Variants in DOCK1 observed in about 807,000 individuals in gnomAD.
The protein encoded by DOCK1 is dedicator of cytokinesis 1.
In DOCK1, 138 loss-of-function variants were observed where a neutral mutation model predicts 262.7. The ratio of observed to expected loss-of-function variants is 0.53; its 90% CI spans 0.46 to 0.61. The LOEUF (loss-of-function observed/expected upper bound fraction) is 0.61, where lower values mean the gene tolerates loss of function less well. Among genes scored for constraint, DOCK1 ranks in the 20% least tolerant of loss-of-function variants. DOCK1 has a pLI of 0.00. For missense variants in DOCK1, 1,908 were observed against 2,370.7 expected (o/e 0.80, Z 4.05); for synonymous variants, 866 against 867.4 (o/e 1.00, Z 0.03).
chr10:127,240,621 G>T (rs950771884), intron 27 of DOCK1, among the ~76,000 whole-genome samples: 3 of 152,126 alleles, frequency 2.0e-5, no homozygotes, highest in African/African-American at 7.2e-5. Flanking sequence ...GACATTCAAT[G>T]TATGCGGCAC....
intron 21 of DOCK1, among the ~76,000 whole-genome samples, chr10:127,046,570 A>G (rs529738761): frequency 6.6e-5 from 10 of 152,150 alleles, no homozygotes; most frequent in African/African-American, 2.2e-4. Context: ...CCTGGCCAAC[A>G]TGGTGAAACC....
At chr10:127,155,128 G>A (rs2052911284) in intron 27 of DOCK1, among the ~76,000 whole-genome samples, 3 of 152,226 alleles carry the variant, frequency 2.0e-5, no homozygotes, top group Admixed American at 2.0e-4. Flanking sequence ...ACTCACCAGA[G>A]TAACAGTGTG....
chr10:126,919,760 G>A (rs759581834), intron 1 of DOCK1, among the ~76,000 whole-genome samples: 3 of 152,216 alleles, frequency 2.0e-5, no homozygotes, highest in South Asian at 4.1e-4. Flanking sequence ...GGGGCAGGTG[G>A]TGGCTCCGTG....
At chr10:127,449,069 C>G (rs2070784386) in intron 51 of DOCK1, among the ~76,000 whole-genome samples, 1 of 152,158 alleles carries the variant, frequency 6.6e-6, no homozygotes, top group South Asian at 2.1e-4. Context: ...GGCTCCCTCT[C>G]CCTAGAGACG....
intron 18 of DOCK1, among the ~76,000 whole-genome samples, chr10:127,036,273 G>A (rs1041938019): frequency 2.0e-5 from 3 of 152,172 alleles, no homozygotes; most frequent in African/African-American, 7.2e-5. Flanking sequence ...GCCCACACTT[G>A]GGCGTCTTCC....
At chr10:126,956,137 CTG>C (rs2036721643) in intron 1 of DOCK1, among the ~76,000 whole-genome samples, 1 of 152,222 alleles carries the variant, frequency 6.6e-6, no homozygotes, top group African/African-American at 2.4e-5. Context: ...CAGGCTGCCA[CTG>C]TGCAGTTGCT....
chr10:126,983,473 A>C (rs1303095296), intron 4 of DOCK1, among the ~76,000 whole-genome samples: 1 of 152,088 alleles, frequency 6.6e-6, no homozygotes, highest in Admixed American at 6.6e-5. Context: ...TCTCTCTTGC[A>C]GAGTCTGTCT....
chr10:126,919,834 G>A (rs777591398), intron 1 of DOCK1, among the ~76,000 whole-genome samples: 2 of 152,216 alleles, frequency 1.3e-5, no homozygotes, highest in Non-Finnish European at 2.9e-5. Flanking sequence ...TCTCTTCCCA[G>A]CACCTGCTGT....
chr10:127,418,488 CT>C lies in DOCK1; in HGVS notation c.4640del (p.Leu1547ArgfsTer42). The C allele has an allele frequency of 6.2e-7, 1 of 1,614,152 alleles. No homozygotes were observed. The highest frequency in any genetic ancestry group is 8.5e-7 in the Non-Finnish European group (1 of 1,180,038). ...GCCCATCAACCCGCTCTCCATGCTC[CT>C]GAACGGCATCGTGGACCCAGCTGTC... ...SLPINPLSMLLNGIVDPAVMG... is the reference protein window; with the variant it reads ...SLPINPLSMLXNGIVDPAVMG... On this transcript the variant is annotated frameshift_variant, in exon 45 of 52. Transcript: ENST00000623213. LOFTEE classifies it high-confidence loss of function.
chr10:127,431,912 G>A (rs1455961962), intron 47 of DOCK1, among the ~76,000 whole-genome samples: 2 of 152,200 alleles, frequency 1.3e-5, no homozygotes, highest in Admixed American at 1.3e-4. Flanking sequence ...CCCACAGCTG[G>A]AGGTGAGCGG....
Position 127,451,916 on chromosome 10 carries a change from T to C in DOCK1, c.*489T>C, listed in dbSNP as rs2070995824. On this transcript the variant is annotated 3_prime_UTR_variant, in exon 52 of 52. Coordinates refer to ENST00000623213, the MANE Select transcript of DOCK1 (RefSeq NM_001290223.2). ...GGTGGTGTGACTTCGTTGGTTGAGG[T>C]GTGTCTCCAACCTACATCAGACCAT... 1.2e-5 allele frequency: 2 copies of C among 169,476 alleles called. No homozygotes were observed. Among genetic ancestry groups the C allele is most frequent in the Non-Finnish European group, 2.5e-5 (2 of 80,534 alleles). The allele number at this position is 169,476 out of a possible 1,614,324, so 10.5% of individuals were successfully genotyped here. A position where few individuals can be genotyped will look rare whatever the true frequency, so the allele number is the denominator to read the frequency against.
chr10:127,420,345 C>T (rs537297701), intron 46 of DOCK1, among the ~76,000 whole-genome samples: 12 of 152,276 alleles, frequency 7.9e-5, no homozygotes, highest in Non-Finnish European at 1.5e-4. Context: ...CAGAACCGGA[C>T]GGATGCATCT....
chr10:127,431,382 G>A (rs755344288), intron 47 of DOCK1, among the ~76,000 whole-genome samples: 14 of 152,210 alleles, frequency 9.2e-5, no homozygotes, highest in Non-Finnish European at 1.9e-4. Context: ...CTTGACGGGA[G>A]TCATCCTCCT....
chr10:127,067,996 G>A (rs2045976267), intron 23 of DOCK1, among the ~76,000 whole-genome samples: 2 of 152,000 alleles, frequency 1.3e-5, no homozygotes, highest in Admixed American at 6.6e-5. Context: ...CAGGGAGCAG[G>A]CTTCCCCATC....
intron 31 of DOCK1, 103 bp downstream of exon 31, chr10:127,343,849 A>C: frequency 1.0e-6 from 1 of 952,414 alleles, no homozygotes; most frequent in South Asian, 1.7e-5. Context: ...TTGAGATGTA[A>C]TCACGGTGTA....
intron 1 of DOCK1, among the ~76,000 whole-genome samples, chr10:126,969,476 G>A (rs2037929545): frequency 6.6e-6 from 1 of 152,220 alleles, no homozygotes. Context: ...AAGGTGGGTG[G>A]CTCTGCCCTC....
intron 23 of DOCK1, among the ~76,000 whole-genome samples, chr10:127,091,578 C>T (rs2047538405): frequency 2.6e-5 from 4 of 152,176 alleles, no homozygotes; most frequent in South Asian, 4.1e-4. Flanking sequence ...GTGTTTGCTC[C>T]TGAGCAGGAG....
At position 126,995,259 on chromosome 10, in the gene DOCK1, A is replaced by G. The variant is rs1165650431; in HGVS notation, c.474-1489A>G. Among the ~76,000 whole-genome samples the G allele has an allele frequency of 6.6e-6, 1 of 152,186 alleles. No individual in the cohort carries two copies. On this transcript the variant is annotated intron_variant, in intron 6 of 51. Transcript: ENST00000623213. This position sits in a 1 kb window ranked among gnomAD's most constrained non-coding sequence, Gnocchi z 5.8. ...GGGGTGGCGGCCGGGCAGAGGCTGCAATCTCGGCACTTTGGGAGGCCAAGG... is the reference window on the plus strand; with the variant it reads ...GGGGTGGCGGCCGGGCAGAGGCTGCGATCTCGGCACTTTGGGAGGCCAAGG...
At chr10:127,067,010 C>T (rs1287532638) in intron 23 of DOCK1, among the ~76,000 whole-genome samples, 2 of 152,246 alleles carry the variant, frequency 1.3e-5, no homozygotes, top group African/African-American at 4.8e-5. Context: ...CTGCCATCCA[C>T]ATCAATGGAG....
Sources: allele counts gnomAD v4.1 joint callset (sites outside exome capture counted in the v4.1 genomes callset), GRCh38; gene constraint gnomAD v4.1.1; non-coding constraint Gnocchi (gnomAD v3.1); transcripts MANE v1.5; gene names NCBI Gene and HGNC (gene_info 2026-07-23, HGNC 2026-07-21).